TRPC4: variants seen among roughly 807,000 people sequenced by gnomAD.
The protein encoded by TRPC4 is short transient receptor potential channel 4.
Under a neutral mutation model 99.4 loss-of-function variants are expected in TRPC4, and 49 were observed. The ratio of observed to expected loss-of-function variants is 0.49; its 90% CI spans 0.39 to 0.63. TRPC4 has a LOEUF of 0.63. Ranked by LOEUF, TRPC4 falls within the 20% of genes least tolerant of loss-of-function variation. The probability of loss-of-function intolerance (pLI) is 0.00; values close to 1 mark genes in which losing one functional copy is unlikely to be tolerated. For missense variants in TRPC4, 898 were observed against 1,152.9 expected (o/e 0.78, Z 3.20); for synonymous variants, 454 against 425.9 (o/e 1.07, Z -0.81).
At chr13:37,805,387 C>T (rs575500984) in intron 1 of TRPC4, among the ~76,000 whole-genome samples, 1 of 152,048 alleles carries the variant, frequency 6.6e-6, no homozygotes, top group South Asian at 2.1e-4. Flanking sequence ...TATACCCTGT[C>T]TCCTTTCTGT....
intron 4 of TRPC4, among the ~76,000 whole-genome samples, chr13:37,676,132 A>C (rs1953039171): frequency 2.0e-5 from 3 of 152,130 alleles, no homozygotes; most frequent in African/African-American, 7.2e-5. Context: ...GTCTGTGGCT[A>C]GTCTTCTGCA....
At chr13:37,776,177 C>T (rs1242446800) in intron 2 of TRPC4, among the ~76,000 whole-genome samples, 1 of 151,738 alleles carries the variant, frequency 6.6e-6, no homozygotes, top group Admixed American at 6.6e-5. Flanking sequence ...CTTTAAACTC[C>T]CTGCTGTGGA....
intron 3 of TRPC4, among the ~76,000 whole-genome samples, chr13:37,745,459 T>TATATATACGC (rs1555265742): frequency 3.5e-5 from 3 of 86,860 alleles, no homozygotes; most frequent in African/African-American, 2.6e-4. Flanking sequence ...TATATATATA[T>TATATATACGC]ATATATATAT....
rs1239694788 is a variant in TRPC4 at position 37,773,199 on chromosome 13, G to A, written c.378+9757C>T. ...TTTACTTCTAGACCTGTTCAAAAGA[G>A]CTTAGGTTTCTAGACATGTCAGGGT... On this transcript the variant is annotated intron_variant, in intron 2 of 10. Coordinates refer to ENST00000379705, the MANE Select transcript of TRPC4 (RefSeq NM_016179.4). 2.6e-5 allele frequency among the ~76,000 whole-genome samples: 4 copies of A among 151,604 alleles called. No individual in the cohort carries two copies. The East Asian group carries it at 7.8e-4, about 30-fold the overall frequency.
At chr13:37,682,311 C>CA (rs1480457870) in intron 4 of TRPC4, among the ~76,000 whole-genome samples, 2 of 152,142 alleles carry the variant, frequency 1.3e-5, no homozygotes, top group Non-Finnish European at 2.9e-5. Context: ...TAAAAGAACA[C>CA]AAAAATTTCC....
Position 37,633,235 on chromosome 13 carries a change from G to T in TRPC4, c.*3668C>A, listed in dbSNP as rs1951430915. Among the ~76,000 whole-genome samples, 1 of 152,062 alleles carries T rather than the reference G, an allele frequency of 6.6e-6. No homozygotes were observed. The highest frequency in any genetic ancestry group is 1.5e-5 in the Non-Finnish European group (1 of 68,006). The stretch of plus-strand genomic sequence containing the variant: ...GTAATATTAAATTTCTAAATTCTAT[G>T]GTTAGTTTTAAGTCAGAATTTCAGA... On this transcript the variant is annotated 3_prime_UTR_variant, in exon 11 of 11. Transcript: ENST00000379705.
intron 3 of TRPC4, among the ~76,000 whole-genome samples, chr13:37,710,226 C>T (rs1390113650): frequency 2.0e-5 from 3 of 151,912 alleles, no homozygotes; most frequent in Non-Finnish European, 4.4e-5. Context: ...CAGACTTCTA[C>T]TCTCTTGGTT....
At chr13:37,748,249 G>A (rs1369293949) in intron 2 of TRPC4, among the ~76,000 whole-genome samples, 2 of 152,060 alleles carry the variant, frequency 1.3e-5, no homozygotes, top group Admixed American at 6.6e-5. Flanking sequence ...GACAATGAGG[G>A]AAGACAAAAC....
In TRPC4 at chr13:37,814,049, C is replaced by T. The variant is rs531418531; in HGVS notation, c.-27-30689G>A. ...CAACAGATGAAAAACCAATATAATA[C>T]AACAAATCAATACAATAAAAAAACC... On this transcript the variant is annotated intron_variant, in intron 1 of 10. Transcript: ENST00000379705. 1.1e-4 allele frequency among the ~76,000 whole-genome samples: 17 copies of T among 151,732 alleles called. No homozygotes were observed. The South Asian group carries it at 3.5e-3, about 32-fold the overall frequency.
chr13:37,827,750 G>C (rs1173738572), intron 1 of TRPC4, among the ~76,000 whole-genome samples: 7 of 152,226 alleles, frequency 4.6e-5, no homozygotes, highest in Admixed American at 6.5e-5. Context: ...GCCCCCAGAG[G>C]TGGAGCCTAC....
chr13:37,649,731 CAAAAAAAAAAAA>C (rs775364702), intron 8 of TRPC4, among the ~76,000 whole-genome samples: 1 of 62,698 alleles, frequency 1.6e-5, no homozygotes, highest in African/African-American at 6.3e-5. Flanking sequence ...GACTCCGTCT[CAAAAAAAAAAAA>C]AAAAAAAAAA....
Position 37,858,861 on chromosome 13 carries a change from G to A in TRPC4, c.-28+10734C>T, listed in dbSNP as rs191272198. ...AGTTTGAAAGAATGAATAATATGTA[G>A]TATTTGATATCACAACTGTGACTAA... On this transcript the variant is annotated intron_variant, in intron 1 of 10. Coordinates refer to ENST00000379705, the MANE Select transcript of TRPC4 (RefSeq NM_016179.4). Among the ~76,000 whole-genome samples the A allele has an allele frequency of 2.7e-4, 41 of 151,306 alleles. No individual in the cohort carries two copies. The East Asian group carries it at 6.2e-3, about 23-fold the overall frequency.
chr13:37,816,301 A>G (rs1957852228), intron 1 of TRPC4, among the ~76,000 whole-genome samples: 2 of 151,834 alleles, frequency 1.3e-5, no homozygotes, highest in African/African-American at 2.4e-5. Context: ...AGACTTAGAT[A>G]CACACACTGA....
chr13:37,685,918 A>AT (rs34692632), intron 4 of TRPC4, among the ~76,000 whole-genome samples: 33,700 of 151,936 alleles, frequency 0.22, 4,355 homozygotes, highest in Admixed American at 0.31. Context: ...ATGTTAAAAT[A>AT]TTTTTTCCCA....
At position 37,655,225 on chromosome 13, in the gene TRPC4, C is replaced by T; in HGVS notation, c.1747G>A (p.Val583Met). 1 of 1,607,780 alleles carries T rather than the reference C, an allele frequency of 6.2e-7. No homozygotes were observed. Among genetic ancestry groups the T allele is most frequent in the Non-Finnish European group, 8.5e-7 (1 of 1,176,500 alleles). ...TCATGCTGTGCTTTGACATTGGTCACATATAAATTGATGAGCCCAAATATT... is the reference window on the plus strand; with the variant it reads ...TCATGCTGTGCTTTGACATTGGTCATATATAAATTGATGAGCCCAAATATT... ...WSIFGLINLY[V>M]TNVKAQHEFT... is the part of the protein sequence containing the mutation. Residue 583 changes from valine to methionine, a missense_variant, in exon 7 of 11, where the codon GTG (valine) becomes ATG (methionine). Physicochemically the swap from Val to Met is conservative, Grantham distance 21. Coordinates refer to ENST00000379705, the MANE Select transcript of TRPC4 (RefSeq NM_016179.4).
At chr13:37,822,342 G>A (rs1331194954) in intron 1 of TRPC4, among the ~76,000 whole-genome samples, 1 of 151,826 alleles carries the variant, frequency 6.6e-6, no homozygotes, top group Non-Finnish European at 1.5e-5. Context: ...AGTTACATAT[G>A]TATACATGTG....
At chr13:37,720,839 G>T (rs1954844967) in intron 3 of TRPC4, among the ~76,000 whole-genome samples, 1 of 152,058 alleles carries the variant, frequency 6.6e-6, no homozygotes, top group Non-Finnish European at 1.5e-5. Context: ...AATATACAGA[G>T]ACACAGCTCA....
chr13:37,674,315 G>A lies in TRPC4; in HGVS notation c.1287C>T (p.Tyr429=), dbSNP rs763861402. ...CCATTAGATTCCACCAATCATGGAT[G>A]TAGTCCTGAAGTCCGCCATCCCACA... is the stretch of plus-strand genomic sequence containing the variant. ...KQMWDGGLQD[Y]IHDWWNLMDF... Residue 429 remains tyrosine, a synonymous_variant, in exon 5 of 11, where the codon TAC becomes TAT. Coordinates refer to ENST00000379705, the MANE Select transcript of TRPC4 (RefSeq NM_016179.4). The A allele has an allele frequency of 6.2e-7, 1 of 1,608,506 alleles. No individual in the cohort carries two copies. The highest frequency in any genetic ancestry group is 8.5e-7 in the Non-Finnish European group (1 of 1,178,466).
intron 4 of TRPC4, among the ~76,000 whole-genome samples, chr13:37,676,041 C>T (rs1316390573): frequency 6.6e-6 from 1 of 152,130 alleles, no homozygotes; most frequent in Non-Finnish European, 1.5e-5. Context: ...CCCAACTCAG[C>T]TCCTGACTTA....
Sources: gnomAD v4.1 joint callset for allele counts (sites outside exome capture counted in the v4.1 genomes callset) on GRCh38, gnomAD v4.1.1 for gene constraint, MANE v1.5 for transcripts, NCBI Gene and HGNC (gene_info 2026-07-23, HGNC 2026-07-21) for gene names.